The following CEP135 variants were observed in gnomAD, a reference collection of about 807,000 sequenced individuals.
The protein encoded by CEP135 is centrosomal protein 135, also known as centrosomal protein of 135 kDa.
A neutral mutation model predicts 157.3 loss-of-function variants in CEP135; 142 were observed. That is an observed-to-expected ratio of 0.90 (90% CI 0.79 to 1.04). The LOEUF (loss-of-function observed/expected upper bound fraction) is 1.04, where lower values mean the gene tolerates loss of function less well. Among genes scored for constraint, CEP135 ranks in the 50% least tolerant of loss-of-function variants. CEP135 has a pLI of 0.00. For missense variants in CEP135, 1,317 were observed against 1,309.2 expected (o/e 1.01, Z -0.09); for synonymous variants, 396 against 439.8 (o/e 0.90, Z 1.25).
intron 17 of CEP135, among the ~76,000 whole-genome samples, chr4:56,003,316 C>T (rs1313702268): frequency 6.6e-6 from 1 of 152,148 alleles, no homozygotes; most frequent in Non-Finnish European, 1.5e-5. Flanking sequence ...CGCCATTCTC[C>T]TGCCTCAGCC....
chr4:55,964,458 A>C lies in CEP135; in HGVS notation c.828+56A>C, dbSNP rs1728782678. 5 of 1,413,410 alleles carry C rather than the reference A, an allele frequency of 3.5e-6. No homozygotes were observed. In the Admixed American group the frequency reaches 1.1e-4, roughly 30 times the overall value. The allele number at this position is 1,413,410 out of a possible 1,614,324, so 87.6% of individuals were successfully genotyped here. A position where few individuals can be genotyped will look rare whatever the true frequency, so the allele number is the denominator to read the frequency against. ...GTATATAATGGTGTTTATAATAAAC[A>C]CTATATGTTTATAATGGTCTATGGG... On this transcript the variant is annotated intron_variant, in intron 7 of 25. Coordinates refer to ENST00000257287, the MANE Select transcript of CEP135 (RefSeq NM_025009.5).
intron 2 of CEP135, chr4:55,952,478 A>G (rs1728386041): frequency 3.0e-6 from 1 of 329,084 alleles, no homozygotes; most frequent in African/African-American, 2.1e-5. Context: ...TTCTCTGTGA[A>G]TGGAATTACA....
intron 10 of CEP135, among the ~76,000 whole-genome samples, 200 bp downstream of exon 10, chr4:55,971,608 G>A (rs573832516): frequency 6.6e-6 from 1 of 152,246 alleles, no homozygotes; most frequent in South Asian, 2.1e-4. Context: ...GTTTTGGCTA[G>A]TTTATACAGG....
intron 9 of CEP135, 56 bp from the exon 10 acceptor site, chr4:55,971,214 G>A (rs964001437): frequency 1.2e-5 from 16 of 1,344,878 alleles, no homozygotes; most frequent in Non-Finnish European, 1.5e-5. Flanking sequence ...TATCTTAAGT[G>A]CGATAATATT....
At position 55,974,888 on chromosome 4, in the gene CEP135, C is replaced by T. The variant is rs1272169664; in HGVS notation, c.1392C>T (p.Leu464=). 3 of 1,613,682 alleles carry T rather than the reference C, an allele frequency of 1.9e-6. No homozygotes were observed. The South Asian group carries it at 3.3e-5, about 18-fold the overall frequency. The part of the protein sequence containing the change: ...RDYYKKELER[L]QHIIQRRSCS... ...ATTATAAGAAAGAGCTAGAGAGACTCCAACATATAATACAGCGAAGATCTT... is the reference window on the plus strand; with the variant it reads ...ATTATAAGAAAGAGCTAGAGAGACTTCAACATATAATACAGCGAAGATCTT... The change falls in exon 11 of 26, where the codon CTC becomes CTT. Residue 464 remains leucine (L), a synonymous_variant. Coordinates refer to ENST00000257287, the MANE Select transcript of CEP135 (RefSeq NM_025009.5).
intron 5 of CEP135, among the ~76,000 whole-genome samples, chr4:55,958,589 A>G (rs1728576838): frequency 6.6e-6 from 1 of 152,226 alleles, no homozygotes; most frequent in South Asian, 2.1e-4. Flanking sequence ...AAGTGACATT[A>G]GTCTTTTTTA....
chr4:55,954,430 A>G (rs774171791), intron 4 of CEP135, 47 bp downstream of exon 4: 1 of 1,497,708 alleles, frequency 6.7e-7, no homozygotes, highest in South Asian at 1.3e-5. Context: ...TTAATCTTTT[A>G]ACGATATTAA....
intron 6 of CEP135, 66 bp from the exon 7 acceptor site, chr4:55,964,208 T>G: frequency 6.9e-7 from 1 of 1,439,262 alleles, no homozygotes; most frequent in Non-Finnish European, 9.4e-7. Flanking sequence ...AATAAATGTT[T>G]GTACAGTGTT....
intron 18 of CEP135, 151 bp from the exon 19 acceptor site, chr4:56,009,584 C>A: frequency 1.6e-6 from 1 of 606,146 alleles, no homozygotes; most frequent in Non-Finnish European, 2.7e-6. Context: ...CCTGTTCTAC[C>A]TAATTAATAG....
At position 55,974,652 on chromosome 4, in the gene CEP135, A is replaced by G; in HGVS notation, c.1250-94A>G. On this transcript the variant is annotated intron_variant, in intron 10 of 25. Transcript: ENST00000257287. The stretch of plus-strand genomic sequence containing the variant: ...TGTAGAACAGTTCATGATTTCTAGT[A>G]GCTTTCATTCTAAAAGTTATTAATA... 2 of 867,324 alleles carry G rather than the reference A, an allele frequency of 2.3e-6. 1 individual carries two copies. The highest frequency in any genetic ancestry group is 6.5e-4 in the Middle Eastern group (2 of 3,078). The allele number at this position is 867,324 out of a possible 1,614,324, so 53.7% of individuals were successfully genotyped here.
intron 14 of CEP135, among the ~76,000 whole-genome samples, chr4:55,987,939 C>T (rs1729642361): frequency 6.6e-6 from 1 of 151,844 alleles, no homozygotes; most frequent in African/African-American, 2.4e-5. Flanking sequence ...ACAGGAACCC[C>T]CTGATTCAAA....
intron 14 of CEP135, among the ~76,000 whole-genome samples, chr4:55,990,786 A>G (rs1187882196): frequency 6.6e-6 from 1 of 152,170 alleles, no homozygotes; most frequent in Non-Finnish European, 1.5e-5. Flanking sequence ...CCTTCAAAGT[A>G]CTAGGCTTAA....
Position 55,999,652 on chromosome 4 carries a change from G to A in CEP135, c.2280+7G>A, listed in dbSNP as rs1489918001. ...AGAAAACCTAGCTAATAAAGTATGTGATCGTTTAATGTAATTTTCCAGCAT... is the reference window on the plus strand; with the variant it reads ...AGAAAACCTAGCTAATAAAGTATGTAATCGTTTAATGTAATTTTCCAGCAT... On this transcript the variant is annotated splice_region_variant and intron_variant, in intron 17 of 25. Transcript: ENST00000257287. 6.3e-7 allele frequency: 1 copy of A among 1,580,264 alleles called. No individual in the cohort carries two copies. The highest frequency in any genetic ancestry group is 1.4e-5 in the African/African-American group (1 of 72,524).
In CEP135 at chr4:56,031,527, A is replaced by G. The variant is rs1167162056; in HGVS notation, c.*179A>G. 2.6e-5 allele frequency: 4 copies of G among 152,634 alleles called. No homozygotes were observed. Among genetic ancestry groups the G allele is most frequent in the African/African-American group, 7.2e-5 (3 of 41,460 alleles). The allele number at this position is 152,634 out of a possible 1,614,324, so 9.5% of individuals were successfully genotyped here. A position where few individuals can be genotyped will look rare whatever the true frequency, so the allele number is the denominator to read the frequency against. ...TTAAAAAGTTTGGTTTAAAAGAACT[A>G]TATCTATATGTATATTTTCATATAT... On this transcript the variant is annotated 3_prime_UTR_variant, in exon 26 of 26. Coordinates refer to ENST00000257287, the MANE Select transcript of CEP135 (RefSeq NM_025009.5).
At chr4:55,966,799 A>G (rs1047534762) in intron 8 of CEP135, among the ~76,000 whole-genome samples, 4 of 152,138 alleles carry the variant, frequency 2.6e-5, no homozygotes, top group African/African-American at 9.7e-5. Flanking sequence ...GAATTCTTTA[A>G]AAGTGTTTTT....
At chr4:55,960,875 G>A (rs1426678342) in intron 6 of CEP135, 4 of 137,450 alleles carry the variant, frequency 2.9e-5, no homozygotes, top group East Asian at 4.3e-4. Flanking sequence ...GCAGTGAGCC[G>A]AGATCCCGCC....
In CEP135 at chr4:55,994,162, C is replaced by T. The variant is rs1008046146; in HGVS notation, c.2009+2077C>T. ...GGAAGTAAAACTACATTATCTAAAC[C>T]TTTTGCCACTTTCAGTATGATTAAT... On this transcript the variant is annotated intron_variant, in intron 15 of 25. Coordinates refer to ENST00000257287, the MANE Select transcript of CEP135 (RefSeq NM_025009.5). 2.6e-5 allele frequency among the ~76,000 whole-genome samples: 4 copies of T among 152,116 alleles called. 1 individual carries two copies. The highest frequency in any genetic ancestry group is 5.9e-5 in the Non-Finnish European group (4 of 68,026).
At chr4:56,011,146 G>A (rs1316902196) in intron 19 of CEP135, among the ~76,000 whole-genome samples, 3 of 152,100 alleles carry the variant, frequency 2.0e-5, no homozygotes, top group African/African-American at 7.2e-5. Context: ...GAAGTGGAAG[G>A]ATTGCTTGAG....
intron 1 of CEP135, among the ~76,000 whole-genome samples, chr4:55,950,671 C>T (rs1422759324): frequency 6.6e-6 from 1 of 151,006 alleles, no homozygotes; most frequent in Non-Finnish European, 1.5e-5. Context: ...CTTTGGATAA[C>T]TCCATTTTAG....
Sources: allele counts gnomAD v4.1 joint callset (sites outside exome capture counted in the v4.1 genomes callset), GRCh38; gene constraint gnomAD v4.1.1; transcripts MANE v1.5; gene names NCBI Gene and HGNC (gene_info 2026-07-23, HGNC 2026-07-21).